Variants in TBC1D5 observed in about 807,000 individuals in gnomAD.
TBC1D5 encodes TBC1 domain family, member 5.
TBC1D5 carries 75 observed loss-of-function variants against 100.3 expected under a neutral mutation model. That is an observed-to-expected ratio of 0.75 (90% CI 0.62 to 0.91). The LOEUF (loss-of-function observed/expected upper bound fraction) is 0.91. TBC1D5 is among the 40% of genes least tolerant of loss of function. The probability of loss-of-function intolerance (pLI) is 0.00; values close to 1 mark genes in which losing one functional copy is unlikely to be tolerated. For synonymous variants in TBC1D5, 323 were observed against 325.6 expected (o/e 0.99, Z 0.09); for missense variants, 910 against 942.4 (o/e 0.97, Z 0.45).
intron 13 of TBC1D5, among the ~76,000 whole-genome samples, chr3:17,346,958 G>A (rs931920667): frequency 2.6e-5 from 4 of 152,116 alleles, no homozygotes; most frequent in Non-Finnish European, 4.4e-5. Flanking sequence ...TGAATATATG[G>A]ACTTTCTATT....
chr3:17,251,901 C>T (rs999486150), intron 16 of TBC1D5, among the ~76,000 whole-genome samples: 2 of 152,096 alleles, frequency 1.3e-5, no homozygotes, highest in African/African-American at 4.8e-5. Flanking sequence ...AAATTGTGAC[C>T]AGTCTTCAGA....
intron 13 of TBC1D5, among the ~76,000 whole-genome samples, chr3:17,329,638 G>C (rs1161371122): frequency 1.3e-5 from 2 of 152,152 alleles, no homozygotes; most frequent in African/African-American, 4.8e-5. Context: ...AACATAAAAA[G>C]AGATAGTTAA....
At chr3:17,625,303 C>T (rs185921894) in intron 1 of TBC1D5, among the ~76,000 whole-genome samples, 1 of 152,106 alleles carries the variant, frequency 6.6e-6, no homozygotes, top group Non-Finnish European at 1.5e-5. Context: ...AGAAAATATA[C>T]ATGTAAGTAT....
intron 1 of TBC1D5, among the ~76,000 whole-genome samples, chr3:17,639,485 G>C (rs1401849525): frequency 6.6e-6 from 1 of 151,286 alleles, no homozygotes; most frequent in Non-Finnish European, 1.5e-5. Flanking sequence ...AAAAAACTAT[G>C]AATTGTACAC....
intron 16 of TBC1D5, among the ~76,000 whole-genome samples, chr3:17,240,952 C>T (rs748063747): frequency 6.6e-6 from 1 of 152,122 alleles, no homozygotes; most frequent in Non-Finnish European, 1.5e-5. Context: ...TTATGCAGAG[C>T]AATTTTTCAT....
intron 1 of TBC1D5, among the ~76,000 whole-genome samples, chr3:17,699,676 G>A (rs535818657): frequency 1.5e-4 from 15 of 98,442 alleles, no homozygotes; most frequent in African/African-American, 5.0e-4. Flanking sequence ...CTCAGTATAT[G>A]TAGATCCTCC....
intron 2 of TBC1D5, among the ~76,000 whole-genome samples, chr3:17,523,387 G>C (rs2153337522): frequency 6.6e-6 from 1 of 152,228 alleles, no homozygotes; most frequent in East Asian, 1.9e-4. Context: ...ATGAAAACTA[G>C]AATGTTACAG....
intron 16 of TBC1D5, among the ~76,000 whole-genome samples, chr3:17,253,893 G>A (rs1346757309): frequency 4.6e-5 from 7 of 152,150 alleles, no homozygotes; most frequent in Non-Finnish European, 1.0e-4. Flanking sequence ...AATGCAGAGA[G>A]AGGAATGTGA....
At chr3:17,626,906 T>C (rs1309476442) in intron 1 of TBC1D5, among the ~76,000 whole-genome samples, 1 of 152,028 alleles carries the variant, frequency 6.6e-6, no homozygotes, top group Non-Finnish European at 1.5e-5. Flanking sequence ...GGCTGGAAAG[T>C]CTAAATTTCA....
chr3:17,620,277 G>T (rs2062546650), intron 2 of TBC1D5, among the ~76,000 whole-genome samples: 1 of 152,176 alleles, frequency 6.6e-6, no homozygotes, highest in Non-Finnish European at 1.5e-5. Flanking sequence ...ACTACACCGG[G>T]CTTAGTATTT....
intron 15 of TBC1D5, among the ~76,000 whole-genome samples, chr3:17,276,917 T>C (rs2080080913): frequency 6.6e-6 from 1 of 152,182 alleles, no homozygotes; most frequent in African/African-American, 2.4e-5. Flanking sequence ...CTGCTGGCAA[T>C]GTCAATGTAC....
intron 2 of TBC1D5, among the ~76,000 whole-genome samples, chr3:17,619,495 G>A (rs967268103): frequency 1.3e-5 from 2 of 152,128 alleles, no homozygotes; most frequent in African/African-American, 2.4e-5. Context: ...CTGTAAAGGT[G>A]ATATAATAAA....
intron 1 of TBC1D5, among the ~76,000 whole-genome samples, chr3:17,712,117 C>T (rs1301617431): frequency 6.6e-6 from 1 of 151,990 alleles, no homozygotes; most frequent in Non-Finnish European, 1.5e-5. Flanking sequence ...ATAAGCACCT[C>T]ATAGGAAACT....
rs1397482130 is a variant in TBC1D5, at chr3:17,178,969, A to G, written c.1852+6140T>C. On this transcript the variant is annotated intron_variant, in intron 19 of 21. Coordinates refer to ENST00000253692, the Ensembl canonical transcript of TBC1D5. ...TTCCCTTTTTGGAGACGTCATCTTG[A>G]TATGTTGCACAGGCTGGAGGGCAGT... Among the ~76,000 whole-genome samples, 6 of 152,096 alleles carry G rather than the reference A, an allele frequency of 3.9e-5. No individual in the cohort carries two copies. In the East Asian group the frequency reaches 1.2e-3, roughly 29 times the overall value.
chr3:17,338,559 A>C (rs1002330241), intron 13 of TBC1D5: 33 of 152,196 alleles, frequency 2.2e-4, no homozygotes, highest in African/African-American at 7.2e-4. Flanking sequence ...AAGCACAAAT[A>C]AATTCTCATT....
intron 2 of TBC1D5, among the ~76,000 whole-genome samples, chr3:17,570,235 A>G (rs769526994): frequency 1.3e-5 from 2 of 152,022 alleles, no homozygotes; most frequent in African/African-American, 4.8e-5. Flanking sequence ...GATACAATAT[A>G]TAAATTTGAA....
intron 3 of TBC1D5, among the ~76,000 whole-genome samples, chr3:17,438,389 A>G (rs764564841): frequency 5.9e-5 from 9 of 152,236 alleles, no homozygotes; most frequent in South Asian, 2.1e-4. Flanking sequence ...TAATCCCCAC[A>G]TATCAATGGG....
intron 2 of TBC1D5, among the ~76,000 whole-genome samples, chr3:17,614,694 G>A (rs902955709): frequency 6.6e-5 from 10 of 151,846 alleles, no homozygotes; most frequent in African/African-American, 9.7e-5. Context: ...TGTCTGTTAC[G>A]GGTGTATAGG....
chr3:17,487,972 T>C (rs1054564270), intron 3 of TBC1D5, among the ~76,000 whole-genome samples: 1 of 152,212 alleles, frequency 6.6e-6, no homozygotes, highest in African/African-American at 2.4e-5. Flanking sequence ...AATGTGCCAA[T>C]GGTAACAAAT....
Sources: gnomAD v4.1 joint callset for allele counts (sites outside exome capture counted in the v4.1 genomes callset) on GRCh38, gnomAD v4.1.1 for gene constraint, MANE v1.5 for transcripts, NCBI Gene and HGNC (gene_info 2026-07-23, HGNC 2026-07-21) for gene names.